The following COLEC10 variants were observed in gnomAD, a reference collection of about 807,000 sequenced individuals.
The protein encoded by COLEC10 is collectin-10.
Under a neutral mutation model 28.4 loss-of-function variants are expected in COLEC10, and 22 were observed. The observed-to-expected ratio is 0.78, with a 90% CI of 0.55 to 1.11. The LOEUF is 1.11. Ranked by LOEUF, COLEC10 falls within the 50% of genes least tolerant of loss-of-function variation. The probability of loss-of-function intolerance (pLI) is 0.00; values close to 1 mark genes in which losing one functional copy is unlikely to be tolerated. For missense variants in COLEC10, 361 were observed against 344.1 expected, an observed-to-expected ratio of 1.05 and a Z score of -0.39; for synonymous variants, 125 against 116.1, an observed-to-expected ratio of 1.08 and a Z score of -0.49.
chr8:119,094,638 G>A (rs1815674603), intron 3 of COLEC10, among the ~76,000 whole-genome samples: 1 of 152,156 alleles, frequency 6.6e-6, no homozygotes, highest in African/African-American at 2.4e-5. Flanking sequence ...GTTCATAAGT[G>A]GGGCAGCCCT....
Position 119,106,207 on chromosome 8 carries a change from G to A in COLEC10, c.*16G>A, listed in dbSNP as rs747639028. 20 of 1,580,654 alleles carry A rather than the reference G, an allele frequency of 1.3e-5. No homozygotes were observed. In the Middle Eastern group the frequency reaches 5.1e-4, roughly 40 times the overall value. ...GAAAAAGTAACTTCCCTCATCCTAC[G>A]TATTTGCTATTTTCCTGTGACCGTC... On this transcript the variant is annotated 3_prime_UTR_variant, in exon 6 of 6. Coordinates refer to ENST00000332843, the MANE Select transcript of COLEC10 (RefSeq NM_006438.5).
At chr8:119,056,727 ATT>A (rs1259623486) in intron 2 of COLEC10, among the ~76,000 whole-genome samples, 4 of 151,936 alleles carry the variant, frequency 2.6e-5, no homozygotes, top group Non-Finnish European at 4.4e-5. Flanking sequence ...CCTCTGTCAC[ATT>A]TCTCATATCC....
At chr8:118,971,981 G>T in the COLEC10 span, among the ~76,000 whole-genome samples, 1 of 151,898 alleles carries the variant, frequency 6.6e-6, no homozygotes. Flanking sequence ...AGATTAATTC[G>T]TACTTTACTG....
chr8:119,057,747 C>T (rs1360718793), intron 2 of COLEC10, among the ~76,000 whole-genome samples: 5 of 152,004 alleles, frequency 3.3e-5, no homozygotes, highest in Admixed American at 3.3e-4. Flanking sequence ...TCATTATATG[C>T]CTATACAATT....
chr8:119,029,860 T>C (rs1354286915), intron 2 of COLEC10, among the ~76,000 whole-genome samples: 3 of 152,230 alleles, frequency 2.0e-5, no homozygotes, highest in Non-Finnish European at 4.4e-5. Context: ...GTGGTCCCTT[T>C]AGCTCTAAAC....
chr8:119,036,463 C>A (rs1241965463), intron 2 of COLEC10, among the ~76,000 whole-genome samples: 4 of 152,078 alleles, frequency 2.6e-5, no homozygotes, highest in African/African-American at 9.7e-5. Context: ...TATTGTTATG[C>A]AATTGCCGAA....
At chr8:118,980,306 C>T in the COLEC10 span, among the ~76,000 whole-genome samples, 1 of 151,316 alleles carries the variant, frequency 6.6e-6, no homozygotes, top group South Asian at 2.1e-4. Flanking sequence ...GATTCTCATG[C>T]CTCAGCTTCC....
upstream of COLEC10, among the ~76,000 whole-genome samples, chr8:118,995,021 A>G (rs1372991992): frequency 3.3e-5 from 5 of 152,158 alleles, no homozygotes; most frequent in Admixed American, 2.0e-4. Context: ...ATGCTGCTTT[A>G]TTATTTAAGT....
At chr8:119,027,117 A>G (rs1007553690) in intron 2 of COLEC10, among the ~76,000 whole-genome samples, 2 of 152,186 alleles carry the variant, frequency 1.3e-5, no homozygotes, top group East Asian at 1.9e-4. Flanking sequence ...AATAGTATAT[A>G]TATATCACAT....
At chr8:119,001,671 C>T (rs1260749279) in intron 1 of COLEC10, among the ~76,000 whole-genome samples, 2 of 151,780 alleles carry the variant, frequency 1.3e-5, no homozygotes, top group Non-Finnish European at 2.9e-5. Flanking sequence ...ACCTGGTTCT[C>T]GATTCCACTT....
chr8:119,021,338 A>G (rs960143625), intron 2 of COLEC10, among the ~76,000 whole-genome samples: 12 of 152,198 alleles, frequency 7.9e-5, no homozygotes, highest in African/African-American at 2.9e-4. Flanking sequence ...AGCACTGCAG[A>G]CTTCATAAAC....
chr8:119,026,706 G>A (rs1158591952), intron 2 of COLEC10, among the ~76,000 whole-genome samples: 4 of 152,140 alleles, frequency 2.6e-5, no homozygotes, highest in Non-Finnish European at 4.4e-5. Context: ...CACCTGTGGG[G>A]GTTAGGGAAG....
intron 5 of COLEC10, among the ~76,000 whole-genome samples, chr8:119,105,399 A>G (rs1815916193): frequency 6.6e-6 from 1 of 152,170 alleles, no homozygotes; most frequent in Non-Finnish European, 1.5e-5. Flanking sequence ...GTAGAAGTTT[A>G]CCAGGTAGAA....
chr8:118,968,088 T>C, the COLEC10 span, among the ~76,000 whole-genome samples: 1 of 152,050 alleles, frequency 6.6e-6, no homozygotes, highest in Non-Finnish European at 1.5e-5. Context: ...AAAATAAAAT[T>C]AGATATTTGT....
intron 1 of COLEC10, among the ~76,000 whole-genome samples, chr8:119,084,981 A>T (rs1406139258): frequency 6.6e-6 from 1 of 152,244 alleles, no homozygotes; most frequent in Non-Finnish European, 1.5e-5. Flanking sequence ...GCAGACACTG[A>T]TGAGTTTACC....
intron 1 of COLEC10, among the ~76,000 whole-genome samples, chr8:119,083,102 C>A (rs1220284179): frequency 6.6e-6 from 1 of 152,114 alleles, no homozygotes; most frequent in Non-Finnish European, 1.5e-5. Context: ...ACTCGTCAAC[C>A]AAACACACAG....
intron 2 of COLEC10, among the ~76,000 whole-genome samples, chr8:119,018,408 C>T (rs1040997244): frequency 5.3e-5 from 8 of 152,216 alleles, no homozygotes; most frequent in Admixed American, 5.2e-4. Flanking sequence ...TTTCTACTAC[C>T]CCAAGGGGAA....
the COLEC10 span, among the ~76,000 whole-genome samples, chr8:118,974,737 T>A: frequency 1.3e-5 from 2 of 152,084 alleles, no homozygotes; most frequent in African/African-American, 4.8e-5. Context: ...CTCTGCACTA[T>A]GATGTTTTAT....
chr8:119,095,030 T>C (rs1006804481), intron 3 of COLEC10, among the ~76,000 whole-genome samples: 1 of 152,094 alleles, frequency 6.6e-6, no homozygotes, highest in African/African-American at 2.4e-5. Flanking sequence ...ATAAAAATCA[T>C]AATAATTGAA....
Sources: gnomAD v4.1 joint callset for allele counts (sites outside exome capture counted in the v4.1 genomes callset) on GRCh38, gnomAD v4.1.1 for gene constraint, MANE v1.5 for transcripts, NCBI Gene and HGNC (gene_info 2026-07-23, HGNC 2026-07-21) for gene names.